PLA2G4F: variants seen among roughly 807,000 people sequenced by gnomAD.
The protein encoded by PLA2G4F is phospholipase A2 group IVF, also known as cytosolic phospholipase A2 zeta.
In PLA2G4F, 105 loss-of-function variants were observed where a neutral mutation model predicts 103.1. That is an observed-to-expected ratio of 1.02 (90% CI 0.87 to 1.20). The LOEUF (loss-of-function observed/expected upper bound fraction) is 1.20, where lower values mean the gene tolerates loss of function less well. PLA2G4F is among the 50% of genes most tolerant of loss of function. The pLI is 0.00. For synonymous variants in PLA2G4F, 468 were observed against 441.1 expected (o/e 1.06, Z -0.76); for missense variants, 1,155 against 1,075.9 (o/e 1.07, Z -1.03).
chr15:42,141,892 C>G lies in PLA2G4F; in HGVS notation c.*92G>C. On this transcript the variant is annotated 3_prime_UTR_variant, in exon 20 of 20. Coordinates refer to ENST00000397272, the MANE Select transcript of PLA2G4F (RefSeq NM_213600.4). ...GTCCTGGAGAGAAGGGAAGCAGATC[C>G]TGCACAGAGTCCCCATCGCTCCTCC... 7.6e-7 allele frequency: 1 copy of G among 1,321,006 alleles called. No individual in the cohort carries two copies. Among genetic ancestry groups the G allele is most frequent in the Non-Finnish European group, 1.1e-6 (1 of 949,152 alleles). 81.8% of individuals were successfully genotyped at this position (1,321,006 alleles called of 1,614,324 possible).
chr15:42,153,666 T>G lies in PLA2G4F; in HGVS notation c.451-6A>C. The G allele has an allele frequency of 6.2e-7, 1 of 1,614,092 alleles. No individual in the cohort carries two copies. Among genetic ancestry groups the G allele is most frequent in the Non-Finnish European group, 8.5e-7 (1 of 1,179,982 alleles). On this transcript the variant is annotated splice_polypyrimidine_tract_variant and splice_region_variant and intron_variant, in intron 4 of 19. Coordinates refer to ENST00000397272, the MANE Select transcript of PLA2G4F (RefSeq NM_213600.4). ...ACCTGCAGCTCTTGTGAATCCTACA[T>G]GGAGGGGGAGGGAGCACCAATTTTT...
At position 42,156,579 on chromosome 15, in the gene PLA2G4F, C is replaced by G. The variant is rs1236644471; in HGVS notation, c.-30G>C. ...GGGCAGCCCGGGCCCCAGCAGGGAA[C>G]CCTGCCTGCGCTCCTCTGGTTGCAC... On this transcript the variant is annotated 5_prime_UTR_variant, in exon 1 of 20. Transcript: ENST00000397272. The G allele has an allele frequency of 2.0e-6, 3 of 1,478,416 alleles. No homozygotes were observed. The highest frequency in any genetic ancestry group is 3.6e-4 in the Middle Eastern group (2 of 5,574). 91.6% of individuals were successfully genotyped at this position (1,478,416 alleles called of 1,614,324 possible).
chr15:42,143,364 G>T (rs946901128), intron 18 of PLA2G4F, among the ~76,000 whole-genome samples: 1 of 152,108 alleles, frequency 6.6e-6, no homozygotes, highest in African/African-American at 2.4e-5. Context: ...GCTGATGTCA[G>T]TTTCACAAGG....
Position 42,142,058 on chromosome 15 carries a change from T to C in PLA2G4F, c.2476A>G (p.Asn826Asp), listed in dbSNP as rs375746396. 7.7e-5 allele frequency: 125 copies of C among 1,614,070 alleles called. No individual in the cohort carries two copies. Among genetic ancestry groups the C allele is most frequent in the Non-Finnish European group, 9.5e-5 (112 of 1,180,024 alleles). ...AGGGCGCACTTCAAGGTCTCCACGT[T>C]GTTCAGGACGTTGTATCGACTGAGG... ...VALSRYNVLN[N>D]VETLKCALQL... Residue 826 changes from asparagine to aspartate, a missense_variant, in exon 20 of 20, where the codon AAC becomes GAC. This residue lies in a region of PLA2G4F where 782 missense variants were observed against 692.9 expected (regional missense o/e 1.13). Transcript: ENST00000397272.
chr15:42,148,943 G>A (rs567781916), intron 11 of PLA2G4F: 12 of 985,380 alleles, frequency 1.2e-5, no homozygotes, highest in Middle Eastern at 5.2e-4. Flanking sequence ...CCCAATGAAC[G>A]ATCTAGCCTT....
chr15:42,148,746 T>C lies in PLA2G4F; in HGVS notation c.1059+967A>G, dbSNP rs995662276. On this transcript the variant is annotated intron_variant, in intron 11 of 19. Transcript: ENST00000397272. ...CCTGAGGGGTCAGAGTCCATGCTTTTGGTTGCTTAGCTTTCCCAGTAAGAT... is the reference window on the plus strand; with the variant it reads ...CCTGAGGGGTCAGAGTCCATGCTTTCGGTTGCTTAGCTTTCCCAGTAAGAT... 10 of 985,300 alleles carry C rather than the reference T, an allele frequency of 1.0e-5. No homozygotes were observed. The African/African-American group carries it at 1.0e-4, about 10-fold the overall frequency. 61.0% of individuals were successfully genotyped at this position (985,300 alleles called of 1,614,324 possible). A position where few individuals can be genotyped will look rare whatever the true frequency, so the allele number is the denominator to read the frequency against.
chr15:42,150,103 C>T lies in PLA2G4F; in HGVS notation c.923+1G>A, dbSNP rs1418000118. 8.1e-6 allele frequency: 13 copies of T among 1,614,192 alleles called. No homozygotes were observed. The highest frequency in any genetic ancestry group is 1.1e-5 in the Non-Finnish European group (13 of 1,180,038). ...GGCCTTCTGCCTGGAGTCCCACTCA[C>T]CTCATTTCCACCTTCATGCTCAGAG... On this transcript the variant is annotated splice_donor_variant, in intron 10 of 19. Transcript: ENST00000397272. LOFTEE classifies it high-confidence loss of function.
chr15:42,150,557 C>T (rs374606983), intron 8 of PLA2G4F, 51 bp downstream of exon 8: 28 of 1,595,296 alleles, frequency 1.8e-5, no homozygotes, highest in South Asian at 4.6e-5. Flanking sequence ...GGCCCTGGAA[C>T]GCCAGTCTGG....
At chr15:42,144,284 GC>G in intron 17 of PLA2G4F, 140 bp from the exon 18 acceptor site, 2 of 1,391,544 alleles carry the variant, frequency 1.4e-6, no homozygotes. Context: ...CAAGCCCTTG[GC>G]CCTGCCTTCC....
intron 4 of PLA2G4F, 71 bp downstream of exon 4, chr15:42,154,021 C>G: frequency 6.2e-7 from 1 of 1,601,998 alleles, no homozygotes; most frequent in Middle Eastern, 1.7e-4. Flanking sequence ...GACCAGAGCC[C>G]CCTCTTTGGT....
At position 42,153,641 on chromosome 15, in the gene PLA2G4F, A is replaced by T; in HGVS notation, c.470T>A (p.Val157Glu). 1 of 1,614,086 alleles carries T rather than the reference A, an allele frequency of 6.2e-7. No individual in the cohort carries two copies. The highest frequency in any genetic ancestry group is 8.5e-7 in the Non-Finnish European group (1 of 1,180,016). Residue 157 changes from valine (V) to glutamate (E), a missense_variant, in exon 5 of 20, where the codon GTG becomes GAG. Physicochemically the swap from Val to Glu is moderately radical, Grantham distance 121. This residue lies in a region of PLA2G4F where 370 missense variants were observed against 364.9 expected (regional missense o/e 1.01). Coordinates refer to ENST00000397272, the MANE Select transcript of PLA2G4F (RefSeq NM_213600.4). Reference protein sequence around the residue: ...LNHQDSQELQVEFVLEKSQVP... With the variant: ...LNHQDSQELQEEFVLEKSQVP... ...TCACCTCTTCTCCAGAACAAATTCC[A>T]CCTGCAGCTCTTGTGAATCCTACAT...
chr15:42,152,020 G>A (rs1392174513), intron 7 of PLA2G4F, among the ~76,000 whole-genome samples: 1 of 152,216 alleles, frequency 6.6e-6, no homozygotes, highest in Non-Finnish European at 1.5e-5. Context: ...CACTGGAAGG[G>A]GCCTTTGCTG....
chr15:42,153,397 C>G, intron 5 of PLA2G4F, 55 bp from the exon 6 acceptor site: 1 of 1,583,448 alleles, frequency 6.3e-7, no homozygotes, highest in Non-Finnish European at 8.7e-7. Flanking sequence ...ATGATGGCCT[C>G]TACAATCATA....
intron 9 of PLA2G4F, 22 bp downstream of exon 9, chr15:42,150,351 T>TG (rs1460946602): frequency 6.3e-7 from 1 of 1,586,148 alleles, no homozygotes; most frequent in Non-Finnish European, 8.6e-7. Context: ...GGGGTCCCTC[T>TG]GGCACCCAGA....
chr15:42,149,769 C>T lies in PLA2G4F; in HGVS notation c.1003G>A (p.Val335Met), dbSNP rs1004518679. 7.4e-6 allele frequency: 12 copies of T among 1,614,112 alleles called. No homozygotes were observed. The highest frequency in any genetic ancestry group is 3.3e-5 in the South Asian group (3 of 91,090). The change falls in exon 11 of 20, where the codon GTG becomes ATG. Residue 335 changes from valine (V) to methionine (M), a missense_variant. Transcript: ENST00000397272. ...AGCACTTGCTGCAGGGCCTTGGACA[C>T]GACCTGCTTCCTCCTGTCCAGAAAC... is the stretch of plus-strand genomic sequence containing the variant. ...QEFLDRRKQV[V>M]SKALQQVLGL...
At chr15:42,149,510 G>A (rs190584365) in intron 11 of PLA2G4F, 96 of 985,338 alleles carry the variant, frequency 9.7e-5, no homozygotes, top group Non-Finnish European at 1.1e-4. Flanking sequence ...GTTTTGTTAC[G>A]GCGGCCCACA....
chr15:42,145,877 C>G lies in PLA2G4F; in HGVS notation c.1561G>C (p.Val521Leu). The G allele has an allele frequency of 6.2e-7, 1 of 1,614,090 alleles. No individual in the cohort carries two copies. ...TAAGCCCCGTACTTGGGGAAGCCAA[C>G]CTCATAGGGCGTGAACTCGCACCAC... ...AEWCEFTPYE[V>L]GFPKYGAYVP... is the part of the protein sequence containing the mutation. The change falls in exon 15 of 20, where the codon GTT (valine) becomes CTT (leucine). Residue 521 changes from valine (V) to leucine (L), a missense_variant. By Grantham distance (32) the Val-to-Leu change is conservative (BLOSUM62 1). Around this residue, in one of 3 missense-constraint regions of PLA2G4F, gnomAD observed 782 missense variants for 692.9 expected, o/e 1.13. Transcript: ENST00000397272.
In PLA2G4F at chr15:42,145,859, C is replaced by G; in HGVS notation, c.1579G>C (p.Gly527Arg). The G allele has an allele frequency of 6.2e-7, 1 of 1,614,080 alleles. No individual in the cohort carries two copies. The highest frequency in any genetic ancestry group is 8.5e-7 in the Non-Finnish European group (1 of 1,180,022). The change falls in exon 15 of 20, where the codon GGG becomes CGG. Residue 527 changes from glycine to arginine, a missense_variant. Around this residue, in one of 3 missense-constraint regions of PLA2G4F, gnomAD observed 782 missense variants for 692.9 expected, o/e 1.13. Transcript: ENST00000397272. ...TPYEVGFPKY[G>R]AYVPTELFGS... ...AAGAGCTCGGTGGGAACATAAGCCC[C>G]GTACTTGGGGAAGCCAACCTCATAG...
chr15:42,152,268 A>G (rs1392501119), intron 7 of PLA2G4F, among the ~76,000 whole-genome samples: 3 of 152,244 alleles, frequency 2.0e-5, no homozygotes, highest in African/African-American at 7.2e-5. Context: ...AGGCTTAACA[A>G]GCGCTTACTC....
Sources: gnomAD v4.1 joint callset for allele counts (sites outside exome capture counted in the v4.1 genomes callset) on GRCh38, gnomAD v4.1.1 for gene constraint, gnomAD v4.1.1 regional missense constraint, MANE v1.5 for transcripts, NCBI Gene and HGNC (gene_info 2026-07-23, HGNC 2026-07-21) for gene names.